NPAT: variants seen among roughly 807,000 people sequenced by gnomAD.
NPAT encodes the protein protein NPAT.
A neutral mutation model predicts 130.7 loss-of-function variants in NPAT; 52 were observed. The ratio of observed to expected loss-of-function variants is 0.40; its 90% CI spans 0.32 to 0.50. The LOEUF is 0.50. Ranked by LOEUF, NPAT falls within the 20% of genes least tolerant of loss-of-function variation. The pLI, the probability that NPAT is intolerant of heterozygous loss-of-function variation, is 0.68. For synonymous variants in NPAT, 580 were observed against 584.8 expected (o/e 0.99, Z 0.12); for missense variants, 1,687 against 1,662.6 (o/e 1.01, Z -0.26).
intron 6 of NPAT, 105 bp from the exon 7 acceptor site, chr11:108,188,284 A>G (rs746352484): frequency 8.1e-6 from 7 of 863,510 alleles, no homozygotes; most frequent in Admixed American, 1.8e-5. Context: ...ATTAAATTCA[A>G]TTAACATGTA....
intron 1 of NPAT, among the ~76,000 whole-genome samples, chr11:108,217,460 A>G (rs1016842702): frequency 3.3e-5 from 5 of 152,188 alleles, no homozygotes; most frequent in African/African-American, 1.2e-4. Flanking sequence ...TATATCAGTT[A>G]GCCTATGGTA....
intron 1 of NPAT, among the ~76,000 whole-genome samples, chr11:108,220,817 T>G (rs1269802725): frequency 2.0e-5 from 3 of 152,188 alleles, no homozygotes; most frequent in Admixed American, 1.3e-4. Context: ...GTGTGAAAGC[T>G]TCAGGGAGAT....
chr11:108,178,394 T>C (rs574042446), intron 10 of NPAT, among the ~76,000 whole-genome samples: 1 of 152,250 alleles, frequency 6.6e-6, no homozygotes, highest in Admixed American at 6.5e-5. Context: ...TTTAACTCCT[T>C]CCTTAATTTT....
At chr11:108,171,428 C>CAAAGGATTTTAAAGACAGAGATCAATTAG (rs2077950261) in intron 13 of NPAT, 1 of 148,662 alleles carries the variant, frequency 6.7e-6, no homozygotes, top group Non-Finnish European at 1.5e-5. Flanking sequence ...CAGCCATAAA[C>CAAAGGATTTTAAAGACAGAGATCAATTAG]AAAGGATTTT....
In NPAT at chr11:108,188,128, G is replaced by A. The variant is rs2078126642; in HGVS notation, c.608C>T (p.Ala203Val). The change falls in exon 7 of 18, where the codon GCC becomes GTC. Residue 203 changes from alanine to valine, a missense_variant. Ala to Val is a moderately conservative substitution (Grantham distance 64, BLOSUM62 0). Transcript: ENST00000278612. ...GCGTCTACCGGGAGACATTAAACTG[G>A]CATGTGCTTTCTTTTCCTGAGCACC... ...IPGAQEKKAH[A>V]SLMSPGRRKS... 1.9e-6 allele frequency: 3 copies of A among 1,613,138 alleles called. No homozygotes were observed. The highest frequency in any genetic ancestry group is 1.7e-6 in the Non-Finnish European group (2 of 1,179,666).
At chr11:108,185,128 A>T in intron 10 of NPAT, 104 bp downstream of exon 10, 1 of 792,686 alleles carries the variant, frequency 1.3e-6, no homozygotes, top group Non-Finnish European at 2.2e-6. Flanking sequence ...ATGGCAAATC[A>T]TAACATCTTA....
At position 108,206,885 on chromosome 11, in the gene NPAT, G is replaced by A. The variant is rs182269487; in HGVS notation, c.38-9465C>T. On this transcript the variant is annotated intron_variant, in intron 1 of 17. Coordinates refer to ENST00000278612, the MANE Select transcript of NPAT (RefSeq NM_002519.3). ...GGTAGCTCCTTTCCGTAGGCAGGTC[G>A]TCCCCACGAGTATCCAGCTCTCAGT... is the stretch of plus-strand genomic sequence containing the variant. Among the ~76,000 whole-genome samples the A allele has an allele frequency of 3.2e-4, 49 of 152,130 alleles. 1 individual carries two copies. The highest frequency in any genetic ancestry group is 7.5e-4 in the African/African-American group (31 of 41,506).
chr11:108,170,154 A>C, intron 13 of NPAT, 111 bp from the exon 14 acceptor site: 1 of 728,178 alleles, frequency 1.4e-6, no homozygotes, highest in South Asian at 1.5e-5. Flanking sequence ...TCTATGAACA[A>C]TCCCTCTTCC....
chr11:108,193,638 T>G (rs1387507917), intron 3 of NPAT, among the ~76,000 whole-genome samples: 1 of 152,030 alleles, frequency 6.6e-6, no homozygotes, highest in Non-Finnish European at 1.5e-5. Context: ...CTGAGGAGAA[T>G]CGCTTGAATC....
chr11:108,217,043 G>GT (rs1424957117), intron 1 of NPAT, among the ~76,000 whole-genome samples: 1 of 152,184 alleles, frequency 6.6e-6, no homozygotes, highest in Non-Finnish European at 1.5e-5. Flanking sequence ...TGAGGACACT[G>GT]TATGTGTGGA....
intron 15 of NPAT, among the ~76,000 whole-genome samples, chr11:108,166,115 C>T (rs1356789318): frequency 4.0e-5 from 6 of 151,574 alleles, no homozygotes; most frequent in Non-Finnish European, 8.8e-5. Context: ...AATCCCAGGC[C>T]AGGCGTGGTG....
At chr11:108,208,303 T>A in intron 1 of NPAT, 1 of 330,842 alleles carries the variant, frequency 3.0e-6, no homozygotes, top group South Asian at 2.2e-5. Context: ...ACAAAAAAGG[T>A]CAATCCACAA....
At chr11:108,206,510 C>A (rs1225701309) in intron 1 of NPAT, among the ~76,000 whole-genome samples, 1 of 152,126 alleles carries the variant, frequency 6.6e-6, no homozygotes, top group East Asian at 1.9e-4. Context: ...ATCAGACATA[C>A]CACAGTGGCT....
chr11:108,159,717 T>TA (rs2077826936), intron 17 of NPAT, among the ~76,000 whole-genome samples: 1 of 152,064 alleles, frequency 6.6e-6, no homozygotes, highest in East Asian at 1.9e-4. Flanking sequence ...CATGCTTAAA[T>TA]AAAAAACATA....
At chr11:108,191,872 A>G (rs917226566) in intron 4 of NPAT, among the ~76,000 whole-genome samples, 5 of 152,216 alleles carry the variant, frequency 3.3e-5, no homozygotes, top group East Asian at 1.9e-4. Flanking sequence ...CTGCCTTTAA[A>G]TTGCTATGGA....
chr11:108,211,359 T>C (rs929822297), intron 1 of NPAT, among the ~76,000 whole-genome samples: 1 of 158 alleles, frequency 6.3e-3, no homozygotes, highest in African/African-American at 0.025. Context: ...CTGGGCATAA[T>C]GGCAAAAATG....
intron 1 of NPAT, chr11:108,208,694 A>C: frequency 3.6e-6 from 1 of 275,524 alleles, no homozygotes; most frequent in South Asian, 3.0e-5. Context: ...AGAAACAGAT[A>C]ATTCAACAAT....
chr11:108,173,505 A>G lies in NPAT; in HGVS notation c.1479T>C (p.Asn493=). 1.2e-6 allele frequency: 2 copies of G among 1,614,188 alleles called. No homozygotes were observed. Among genetic ancestry groups the G allele is most frequent in the Admixed American group, 3.3e-5 (2 of 60,022 alleles). ...GCTGTAACTGAGATTCACTCGGTACATTTGAAGACAAAGAGTTCTTTTCAA... is the reference window on the plus strand; with the variant it reads ...GCTGTAACTGAGATTCACTCGGTACGTTTGAAGACAAAGAGTTCTTTTCAA... ...IGIEKNSLSS[N]VPSESQLQPD... is the part of the protein sequence containing the mutation. The change falls in exon 13 of 18, where the codon AAT becomes AAC. Residue 493 remains asparagine, a synonymous_variant. Coordinates refer to ENST00000278612, the MANE Select transcript of NPAT (RefSeq NM_002519.3).
At chr11:108,167,147 C>G (rs530255392) in intron 15 of NPAT, among the ~76,000 whole-genome samples, 1 of 152,146 alleles carries the variant, frequency 6.6e-6, no homozygotes, top group Non-Finnish European at 1.5e-5. Flanking sequence ...CTCCCTGTGG[C>G]TTTATTGTGT....
Sources: gnomAD v4.1 joint callset for allele counts (sites outside exome capture counted in the v4.1 genomes callset) on GRCh38, gnomAD v4.1.1 for gene constraint, MANE v1.5 for transcripts, NCBI Gene and HGNC (gene_info 2026-07-23, HGNC 2026-07-21) for gene names.